Variants in LMTK2 observed in about 807,000 individuals in gnomAD.
LMTK2 encodes the protein lemur tail kinase 2.
LMTK2 carries 37 observed loss-of-function variants against 127.5 expected under a neutral mutation model. That is an observed-to-expected ratio of 0.29 (90% CI 0.22 to 0.38). The LOEUF is 0.38. Ranked by LOEUF, LMTK2 falls within the 10% of genes least tolerant of loss-of-function variation. The pLI is 1.00. For synonymous variants in LMTK2, 819 were observed against 810.1 expected (o/e 1.01, Z -0.19); for missense variants, 1,694 against 1,920.3 (o/e 0.88, Z 2.20).
rs778796219 is a variant in LMTK2 at position 98,190,581 on chromosome 7, AAAC to A, written c.999-129_999-127del. ...TGGGCGACAGTGAGACTCTGTCTTAAAACAACAACAACAACAACAAAGATCCTA... is the reference window on the plus strand; with the variant it reads ...TGGGCGACAGTGAGACTCTGTCTTAAAACAACAACAACAACAAAGATCCTA... On this transcript the variant is annotated intron_variant, in intron 9 of 13. Coordinates refer to ENST00000297293, the MANE Select transcript of LMTK2 (RefSeq NM_014916.4). 477 of 821,044 alleles carry A rather than the reference AAAC, an allele frequency of 5.8e-4. 1 individual carries two copies. Among genetic ancestry groups the A allele is most frequent in the South Asian group, 7.0e-4 (42 of 60,006 alleles). 50.9% of individuals were successfully genotyped at this position (821,044 alleles called of 1,614,324 possible). A position where few individuals can be genotyped will look rare whatever the true frequency, so the allele number is the denominator to read the frequency against.
intron 6 of LMTK2, among the ~76,000 whole-genome samples, chr7:98,170,606 GA>G (rs1797168696): frequency 6.7e-6 from 1 of 150,364 alleles, no homozygotes. Flanking sequence ...AAAGAACACT[GA>G]AAGCTATTGG....
rs551622879 is a variant in LMTK2 at position 98,135,644 on chromosome 7, T to C, written c.104-1671T>C. ...CATAGATGAGGATTTTAAGGAAAAG[T>C]TTATTTCTCAGTAAAACTCCAGTAG... On this transcript the variant is annotated intron_variant, in intron 1 of 13. Coordinates refer to ENST00000297293, the MANE Select transcript of LMTK2 (RefSeq NM_014916.4). 2.6e-5 allele frequency among the ~76,000 whole-genome samples: 4 copies of C among 152,230 alleles called. No individual in the cohort carries two copies. The South Asian group carries it at 8.3e-4, about 32-fold the overall frequency.
Position 98,186,953 on chromosome 7 carries a change from A to G in LMTK2, c.953A>G (p.Gln318Arg), listed in dbSNP as rs537161126. The G allele has an allele frequency of 6.2e-7, 1 of 1,613,908 alleles. No individual in the cohort carries two copies. Among genetic ancestry groups the G allele is most frequent in the African/African-American group, 1.3e-5 (1 of 75,058 alleles). Reference sequence around the variant, plus strand: ...GCTCCAGAATTAGTAACCAGCTTTCAAGACAGACTGCTAACTGCAGATCAG... The same window carrying G: ...GCTCCAGAATTAGTAACCAGCTTTCGAGACAGACTGCTAACTGCAGATCAG... ...WTAPELVTSF[Q>R]DRLLTADQTK... Residue 318 changes from glutamine (Q) to arginine (R), a missense_variant, in exon 9 of 14, where the codon CAA (glutamine) becomes CGA (arginine). Around this residue, in one of 8 missense-constraint regions of LMTK2, gnomAD observed 47 missense variants for 95.4 expected, o/e 0.49. Transcript: ENST00000297293.
At chr7:98,150,235 G>A (rs980325537) in intron 3 of LMTK2, among the ~76,000 whole-genome samples, 1 of 151,258 alleles carries the variant, frequency 6.6e-6, no homozygotes, top group Non-Finnish European at 1.5e-5. Flanking sequence ...TTGAACCCGG[G>A]AGGCGTAGGT....
chr7:98,141,750 A>G (rs2116369747), intron 3 of LMTK2, among the ~76,000 whole-genome samples: 2 of 152,274 alleles, frequency 1.3e-5, no homozygotes, highest in East Asian at 3.9e-4. Flanking sequence ...TGGGTCTGGT[A>G]TGAGAATAAA....
At position 98,165,290 on chromosome 7, in the gene LMTK2, G is replaced by A. The variant is rs1431346854; in HGVS notation, c.657+5865G>A. Among the ~76,000 whole-genome samples, 3 of 152,170 alleles carry A rather than the reference G, an allele frequency of 2.0e-5. No homozygotes were observed. In the East Asian group the frequency reaches 5.8e-4, roughly 29 times the overall value. On this transcript the variant is annotated intron_variant, in intron 6 of 13. Coordinates refer to ENST00000297293, the MANE Select transcript of LMTK2 (RefSeq NM_014916.4). ...CCATCGAGTGAGTTGTCTTGACAACGCTGTGAGACCCATAGCAGTAGCTTC... is the reference window on the plus strand; with the variant it reads ...CCATCGAGTGAGTTGTCTTGACAACACTGTGAGACCCATAGCAGTAGCTTC...
chr7:98,192,754 T>C lies in LMTK2; in HGVS notation c.2289T>C (p.Cys763=), dbSNP rs143385146. ...GFTEAMLETS[C]RNSLDTELQF... The stretch of plus-strand genomic sequence containing the variant: ...CTGAAGCTATGTTAGAAACGTCATG[T>C]AGAAACTCTTTAGATACTGAGCTTC... Residue 763 remains cysteine, a synonymous_variant, in exon 11 of 14, where the codon TGT becomes TGC. Transcript: ENST00000297293. 3.0e-4 allele frequency: 485 copies of C among 1,613,736 alleles called. No homozygotes were observed. In the Middle Eastern group the frequency reaches 3.1e-3, roughly 10 times the overall value.
At position 98,192,971 on chromosome 7, in the gene LMTK2, A is replaced by G. The variant is rs536361840; in HGVS notation, c.2506A>G (p.Thr836Ala). The change falls in exon 11 of 14, where the codon ACA becomes GCA. Residue 836 changes from threonine to alanine, a missense_variant. Coordinates refer to ENST00000297293, the MANE Select transcript of LMTK2 (RefSeq NM_014916.4). ...TCGGGTACCCCCAGACTCACTCCCA[A>G]CACAGGGAGAAACCCAGCCCACGTG... The part of the protein sequence containing the change: ...PRRVPPDSLP[T>A]QGETQPTCLD... The G allele has an allele frequency of 3.7e-6, 6 of 1,614,072 alleles. No individual in the cohort carries two copies. In the South Asian group the frequency reaches 5.5e-5, roughly 15 times the overall value.
At chr7:98,185,464 A>G (rs1797420098) in intron 8 of LMTK2, among the ~76,000 whole-genome samples, 1 of 152,264 alleles carries the variant, frequency 6.6e-6, no homozygotes, top group Admixed American at 6.5e-5. Flanking sequence ...ATGATAAAAT[A>G]TACATATCAT....
At chr7:98,183,639 C>G (rs1281987016) in intron 7 of LMTK2, among the ~76,000 whole-genome samples, 1 of 152,148 alleles carries the variant, frequency 6.6e-6, no homozygotes, top group Non-Finnish European at 1.5e-5. Context: ...TTCCACCTGC[C>G]TCAGCCTCCC....
At chr7:98,127,769 G>A (rs1796463994) in intron 1 of LMTK2, among the ~76,000 whole-genome samples, 1 of 152,238 alleles carries the variant, frequency 6.6e-6, no homozygotes, top group East Asian at 1.9e-4. Flanking sequence ...ATACCCTGAT[G>A]TGGTTATTAC....
In LMTK2 at chr7:98,192,327, A is replaced by G. The variant is rs1439904835; in HGVS notation, c.1862A>G (p.Asp621Gly). 3 of 1,566,698 alleles carry G rather than the reference A, an allele frequency of 1.9e-6. No individual in the cohort carries two copies. Among genetic ancestry groups the G allele is most frequent in the East Asian group, 2.2e-5 (1 of 44,736 alleles). Residue 621 changes from aspartate (D) to glycine (G), a missense_variant, in exon 11 of 14, where the codon GAC becomes GGC. Coordinates refer to ENST00000297293, the MANE Select transcript of LMTK2 (RefSeq NM_014916.4). ...CCCAAAGACTCTAGCTTACCAGGGG[A>G]CTTACACGTGACCAGTGGCCCCGAG... ...TDPKDSSLPG[D>G]LHVTSGPESP...
intron 11 of LMTK2, among the ~76,000 whole-genome samples, chr7:98,203,020 G>A (rs548546380): frequency 6.6e-6 from 1 of 152,216 alleles, no homozygotes; most frequent in Non-Finnish European, 1.5e-5. Flanking sequence ...CAGTCCTCCA[G>A]TGGAGAGGAG....
At chr7:98,203,340 G>A (rs1004624498) in intron 11 of LMTK2, among the ~76,000 whole-genome samples, 5 of 152,236 alleles carry the variant, frequency 3.3e-5, no homozygotes, top group Admixed American at 2.0e-4. Flanking sequence ...GCTGCTCTGC[G>A]CTTCTCTGCA....
chr7:98,148,380 C>T (rs1211040494), intron 3 of LMTK2, among the ~76,000 whole-genome samples: 1 of 151,806 alleles, frequency 6.6e-6, no homozygotes. Flanking sequence ...GTAGTCCCAG[C>T]TACTCGGGAG....
intron 1 of LMTK2, among the ~76,000 whole-genome samples, chr7:98,132,721 T>C (rs1252909147): frequency 2.6e-5 from 4 of 152,216 alleles, no homozygotes; most frequent in Non-Finnish European, 5.9e-5. Flanking sequence ...ATATCCAGCA[T>C]TTTGTAATCC....
chr7:98,145,595 C>T (rs946823734), intron 3 of LMTK2, among the ~76,000 whole-genome samples: 12 of 152,232 alleles, frequency 7.9e-5, no homozygotes, highest in African/African-American at 2.6e-4. Flanking sequence ...TTCATTCATG[C>T]ACTGATCTTT....
chr7:98,136,242 G>A (rs77701565), intron 1 of LMTK2, among the ~76,000 whole-genome samples: 1,847 of 152,276 alleles, frequency 0.012, 17 homozygotes, highest in Admixed American at 0.02. Flanking sequence ...GAGTCCATAA[G>A]TATATACATG....
Position 98,187,008 on chromosome 7 carries a change from G to A in LMTK2, c.998+10G>A. 3 of 1,604,174 alleles carry A rather than the reference G, an allele frequency of 1.9e-6. No homozygotes were observed. Among genetic ancestry groups the A allele is most frequent in the South Asian group, 2.3e-5 (2 of 88,394 alleles). On this transcript the variant is annotated intron_variant, in intron 9 of 13. Coordinates refer to ENST00000297293, the MANE Select transcript of LMTK2 (RefSeq NM_014916.4). ...AGTATAGTAATATCTGGTACGTATT[G>A]GCTTACCGTTTTATTAGTCATTTCT...
Sources: gnomAD v4.1 joint callset for allele counts (sites outside exome capture counted in the v4.1 genomes callset) on GRCh38, gnomAD v4.1.1 for gene constraint, gnomAD v4.1.1 regional missense constraint, MANE v1.5 for transcripts, NCBI Gene and HGNC (gene_info 2026-07-23, HGNC 2026-07-21) for gene names.